The following WDR48 variants were observed in gnomAD, a reference collection of about 807,000 sequenced individuals.
WDR48 encodes the protein WD repeat-containing protein 48.
In WDR48, 22 loss-of-function variants were observed where a neutral mutation model predicts 94.0. The observed-to-expected ratio is 0.23, with a 90% confidence interval of 0.17 to 0.33. The LOEUF (loss-of-function observed/expected upper bound fraction) is 0.33, where lower values mean the gene tolerates loss of function less well. Among genes scored for constraint, WDR48 ranks in the 10% least tolerant of loss-of-function variants. WDR48 has a pLI of 1.00. For missense variants in WDR48, 541 were observed against 813.8 expected, an observed-to-expected ratio of 0.66 and a Z score of 4.08; for synonymous variants, 278 against 280.5, an observed-to-expected ratio of 0.99 and a Z score of 0.09.
chr3:39,073,189 C>T (rs2034032320), intron 7 of WDR48, among the ~76,000 whole-genome samples: 1 of 152,178 alleles, frequency 6.6e-6, no homozygotes, highest in African/African-American at 2.4e-5. Flanking sequence ...TGGGGAGCCC[C>T]TCCTTGGCCC....
At chr3:39,073,876 C>T (rs2034072739) in intron 7 of WDR48, among the ~76,000 whole-genome samples, 1 of 152,296 alleles carries the variant, frequency 6.6e-6, no homozygotes, top group African/African-American at 2.4e-5. Context: ...GAGACCTGGC[C>T]TCATCAGGAA....
intron 9 of WDR48, 94 bp from the exon 10 acceptor site, chr3:39,078,043 T>C (rs988653305): frequency 2.2e-6 from 2 of 915,150 alleles, no homozygotes; most frequent in African/African-American, 3.3e-5. Flanking sequence ...GGTTTTCTTG[T>C]TTGTTTTTTG....
chr3:39,072,040 C>T (rs2033967076), intron 7 of WDR48, among the ~76,000 whole-genome samples: 1 of 152,152 alleles, frequency 6.6e-6, no homozygotes, highest in South Asian at 2.1e-4. Flanking sequence ...GCCCTGTGAG[C>T]TTGTAATATA....
intron 8 of WDR48, among the ~76,000 whole-genome samples, chr3:39,076,468 A>G (rs1474333699): frequency 6.6e-6 from 1 of 152,208 alleles, no homozygotes; most frequent in Non-Finnish European, 1.5e-5. Flanking sequence ...ACTTGGCACA[A>G]ACATAATTAT....
chr3:39,064,818 G>A (rs1053130171), intron 2 of WDR48, among the ~76,000 whole-genome samples: 5 of 152,232 alleles, frequency 3.3e-5, no homozygotes, highest in African/African-American at 4.8e-5. Flanking sequence ...AATGGACCAT[G>A]CAGTGGTGGC....
chr3:39,084,220 G>A lies in WDR48; in HGVS notation c.1239G>A (p.Met413Ile). 1 of 1,612,266 alleles carries A rather than the reference G, an allele frequency of 6.2e-7. No homozygotes were observed. Among genetic ancestry groups the A allele is most frequent in the Non-Finnish European group, 8.5e-7 (1 of 1,178,914 alleles). ...ATGAAATTAAGAAAAGATTTAAAAT[G>A]GTGTATGTGCCAAATTGGTTCTCAG... ...FEDEIKKRFK[M>I]VYVPNWFSVD... Residue 413 changes from methionine to isoleucine, a missense_variant, in exon 12 of 19, where the codon ATG (methionine) becomes ATA (isoleucine). Physicochemically the swap from Met to Ile is conservative, Grantham distance 10. Around this residue, in one of 5 missense-constraint regions of WDR48, gnomAD observed 238 missense variants for 285.3 expected, o/e 0.83. Transcript: ENST00000302313.
At chr3:39,094,181 C>T in intron 18 of WDR48, 115 bp downstream of exon 18, 1 of 1,473,890 alleles carries the variant, frequency 6.8e-7, no homozygotes, top group Non-Finnish European at 8.9e-7. Context: ...GAGCCCTGGG[C>T]CTCTCCTACC....
chr3:39,056,808 T>C (rs941688999), intron 1 of WDR48, among the ~76,000 whole-genome samples: 1 of 152,126 alleles, frequency 6.6e-6, no homozygotes, highest in South Asian at 2.1e-4. Flanking sequence ...AGCAAAACTA[T>C]GGAGTGAACA....
intron 17 of WDR48, among the ~76,000 whole-genome samples, chr3:39,093,083 G>A (rs551148345): frequency 6.6e-6 from 1 of 152,306 alleles, no homozygotes; most frequent in African/African-American, 2.4e-5. Context: ...TGAGGTGCCT[G>A]TAGGACATCC....
chr3:39,055,471 C>T (rs1468322652), intron 1 of WDR48, among the ~76,000 whole-genome samples: 1 of 152,136 alleles, frequency 6.6e-6, no homozygotes, highest in East Asian at 1.9e-4. Context: ...GGTGACAGAG[C>T]GAGACTCCAT....
intron 16 of WDR48, chr3:39,090,419 A>G (rs888782866): frequency 6.6e-6 from 1 of 152,068 alleles, no homozygotes; most frequent in Non-Finnish European, 1.5e-5. Flanking sequence ...CCAGGTGAAA[A>G]GTTTTACTTT....
intron 10 of WDR48, among the ~76,000 whole-genome samples, chr3:39,079,448 C>A (rs946354634): frequency 5.3e-5 from 8 of 152,182 alleles, no homozygotes; most frequent in African/African-American, 1.9e-4. Context: ...CCACTAGTAC[C>A]CCCTTGACAT....
chr3:39,094,419 G>C, intron 18 of WDR48: 1 of 1,523,994 alleles, frequency 6.6e-7, no homozygotes, highest in Non-Finnish European at 8.8e-7. Flanking sequence ...TATCCTCAGA[G>C]GAATGGCTGA....
At position 39,089,397 on chromosome 3, in the gene WDR48, T is replaced by A; in HGVS notation, c.1668+79T>A. 1.0e-5 allele frequency: 14 copies of A among 1,347,772 alleles called. 1 individual carries two copies. The South Asian group carries it at 2.0e-4, about 20-fold the overall frequency. 83.5% of individuals were successfully genotyped at this position (1,347,772 alleles called of 1,614,324 possible). A position where few individuals can be genotyped will look rare whatever the true frequency, so the allele number is the denominator to read the frequency against. On this transcript the variant is annotated intron_variant, in intron 16 of 18. Transcript: ENST00000302313. ...TTAAGAACTGCTTTAGACATTATAATTTTAAACCTTAATAAAAGCTAGACT... is the reference window on the plus strand; with the variant it reads ...TTAAGAACTGCTTTAGACATTATAAATTTAAACCTTAATAAAAGCTAGACT...
chr3:39,076,677 A>G (rs1253765356), intron 8 of WDR48, among the ~76,000 whole-genome samples: 1 of 152,234 alleles, frequency 6.6e-6, no homozygotes, highest in Non-Finnish European at 1.5e-5. Context: ...AGAAGAATAT[A>G]CAGTAAGCTA....
intron 15 of WDR48, 102 bp from the exon 16 acceptor site, chr3:39,089,129 C>A: frequency 9.9e-7 from 1 of 1,010,328 alleles, no homozygotes; most frequent in Non-Finnish European, 1.5e-6. Flanking sequence ...TGGGGGTTAT[C>A]CTACATGAAA....
At position 39,096,098 on chromosome 3, in the gene WDR48, C is replaced by CTGA. The variant is rs2035317514; in HGVS notation, c.*1357_*1359dup. The CTGA allele has an allele frequency of 6.6e-6, 1 of 152,640 alleles. No individual in the cohort carries two copies. Among genetic ancestry groups the CTGA allele is most frequent in the Non-Finnish European group, 1.5e-5 (1 of 68,048 alleles). 9.5% of individuals were successfully genotyped at this position (152,640 alleles called of 1,614,324 possible). On this transcript the variant is annotated 3_prime_UTR_variant, in exon 19 of 19. Coordinates refer to ENST00000302313, the MANE Select transcript of WDR48 (RefSeq NM_020839.4). ...TCTTCACAGGTTCGGCTGGGGGCAG[C>CTGA]TGATAGGCCTAAGGCCATACCTTAC...
chr3:39,081,741 T>C (rs1047888594), intron 11 of WDR48, among the ~76,000 whole-genome samples: 1 of 152,132 alleles, frequency 6.6e-6, no homozygotes, highest in African/African-American at 2.4e-5. Flanking sequence ...TCTTTGAGAG[T>C]TGACCTATCT....
intron 1 of WDR48, among the ~76,000 whole-genome samples, chr3:39,059,074 C>CAAAAA (rs1178955423): frequency 7.2e-5 from 5 of 69,694 alleles, no homozygotes; most frequent in Non-Finnish European, 1.4e-4. Flanking sequence ...GACTCCGTCT[C>CAAAAA]AAAAAAAAAA....
Sources: gnomAD v4.1 joint callset for allele counts (sites outside exome capture counted in the v4.1 genomes callset) on GRCh38, gnomAD v4.1.1 for gene constraint, gnomAD v4.1.1 regional missense constraint, MANE v1.5 for transcripts, NCBI Gene and HGNC (gene_info 2026-07-23, HGNC 2026-07-21) for gene names.